The following DOCK2 variants were observed in gnomAD, a reference collection of about 807,000 sequenced individuals.
DOCK2 encodes dedicator of cytokinesis 2.
A neutral mutation model predicts 248.9 loss-of-function variants in DOCK2; 87 were observed. That is an observed-to-expected ratio of 0.35 (90% confidence interval 0.29 to 0.42). DOCK2 has a LOEUF of 0.42. DOCK2 is among the 10% of genes least tolerant of loss of function. The probability of loss-of-function intolerance (pLI) is 1.00; values close to 1 mark genes in which losing one functional copy is unlikely to be tolerated. For synonymous variants in DOCK2, 805 were observed against 821.6 expected, an observed-to-expected ratio of 0.98 and a Z score of 0.35; for missense variants, 1,747 against 2,300.2, an observed-to-expected ratio of 0.76 and a Z score of 4.92.
chr5:169,782,587 G>C (rs371400526), intron 25 of DOCK2, among the ~76,000 whole-genome samples: 14 of 151,654 alleles, frequency 9.2e-5, no homozygotes, highest in East Asian at 7.7e-4. Context: ...CAGGTCTCCA[G>C]GTCCTTCTTT....
At chr5:169,759,888 G>A in intron 24 of DOCK2, 113 bp downstream of exon 24, 1 of 1,142,504 alleles carries the variant, frequency 8.8e-7, no homozygotes, top group Non-Finnish European at 1.3e-6. Context: ...GGATGGGGAA[G>A]ACCTGTGGCA....
intron 26 of DOCK2, among the ~76,000 whole-genome samples, chr5:169,837,619 T>C (rs958601453): frequency 8.5e-5 from 13 of 152,162 alleles, no homozygotes; most frequent in African/African-American, 3.1e-4. Context: ...TTACCTGCAT[T>C]ACCTTGTTTA....
chr5:169,651,031 T>C (rs1757778601), intron 1 of DOCK2, among the ~76,000 whole-genome samples: 1 of 152,210 alleles, frequency 6.6e-6, no homozygotes, highest in African/African-American at 2.4e-5. Context: ...TTCTGCCTTT[T>C]TCATCCCTTG....
At chr5:169,653,594 T>C (rs1255236310) in intron 1 of DOCK2, among the ~76,000 whole-genome samples, 1 of 152,112 alleles carries the variant, frequency 6.6e-6, no homozygotes, top group African/African-American at 2.4e-5. Flanking sequence ...GTCCCAATGG[T>C]GCTGTGCTGG....
chr5:169,783,335 T>C (rs969267072), intron 25 of DOCK2, among the ~76,000 whole-genome samples: 2 of 152,162 alleles, frequency 1.3e-5, no homozygotes, highest in African/African-American at 4.8e-5. Flanking sequence ...AGTCTAGAGT[T>C]CCAGAGAGCC....
At chr5:169,992,023 G>A (rs1048149618) in intron 29 of DOCK2, among the ~76,000 whole-genome samples, 2 of 152,176 alleles carry the variant, frequency 1.3e-5, no homozygotes, top group Admixed American at 1.3e-4. Context: ...GGCTTGGATT[G>A]AACAGAACTA....
intron 27 of DOCK2, among the ~76,000 whole-genome samples, chr5:169,902,582 T>G (rs1460475461): frequency 2.0e-5 from 3 of 152,190 alleles, no homozygotes; most frequent in African/African-American, 7.2e-5. Context: ...GTCAGCTGTT[T>G]TGTAGACTGC....
intron 32 of DOCK2, 74 bp from the exon 33 acceptor site, chr5:170,018,886 C>G: frequency 6.5e-7 from 1 of 1,540,506 alleles, no homozygotes; most frequent in Non-Finnish European, 8.8e-7. Context: ...TTTTTTCTTT[C>G]CCCAGGCTTG....
intron 27 of DOCK2, among the ~76,000 whole-genome samples, chr5:169,916,756 A>G (rs1045330401): frequency 2.0e-5 from 3 of 152,192 alleles, no homozygotes; most frequent in Non-Finnish European, 4.4e-5. Context: ...AGAATTTGGC[A>G]TATATAAGTC....
chr5:169,885,491 T>C (rs182735363), intron 27 of DOCK2, among the ~76,000 whole-genome samples: 166 of 152,338 alleles, frequency 1.1e-3, no homozygotes, highest in African/African-American at 3.8e-3. Flanking sequence ...CTGCAACATT[T>C]ATTTAAGGAC....
rs553007359 is a variant in DOCK2, at chr5:169,940,958, A to G, written c.2800-42110A>G. Reference sequence around the variant, plus strand: ...TGTCTAATAGAATGCCGATAGTGCCATGGCTGAGAGACCCTGTTCCATACT... The same window carrying G: ...TGTCTAATAGAATGCCGATAGTGCCGTGGCTGAGAGACCCTGTTCCATACT... On this transcript the variant is annotated intron_variant, in intron 27 of 51. Transcript: ENST00000520908. Among the ~76,000 whole-genome samples the G allele has an allele frequency of 6.8e-4, 104 of 152,324 alleles. 1 individual carries two copies. Among genetic ancestry groups the G allele is most frequent in the African/African-American group, 2.1e-3 (87 of 41,578 alleles).
At chr5:169,818,343 C>T (rs1768200103) in intron 26 of DOCK2, among the ~76,000 whole-genome samples, 1 of 152,188 alleles carries the variant, frequency 6.6e-6, no homozygotes, top group African/African-American at 2.4e-5. Context: ...GCACAGTGCC[C>T]AGCACATTTA....
At chr5:169,693,103 A>G (rs1760403208) in intron 9 of DOCK2, among the ~76,000 whole-genome samples, 1 of 152,074 alleles carries the variant, frequency 6.6e-6, no homozygotes, top group African/African-American at 2.4e-5. Context: ...GCACCAATCT[A>G]AGTATTTCAA....
At chr5:169,742,353 G>A (rs1452526641) in intron 22 of DOCK2, among the ~76,000 whole-genome samples, 1 of 152,114 alleles carries the variant, frequency 6.6e-6, no homozygotes, top group Non-Finnish European at 1.5e-5. Flanking sequence ...AACCTTATGG[G>A]GCTAATACAA....
At position 169,674,323 on chromosome 5, in the gene DOCK2, G is replaced by A; in HGVS notation, c.348G>A (p.Gln116=). ...YVASKKERFL[Q]VQSMMYDLME... is the part of the protein sequence containing the mutation. ...CCAGCAAAAAGGAGCGTTTTCTCCAGGTGCAGTCCATGATGTACGATCTGA... is the reference window on the plus strand; with the variant it reads ...CCAGCAAAAAGGAGCGTTTTCTCCAAGTGCAGTCCATGATGTACGATCTGA... The change falls in exon 6 of 52, where the codon CAG becomes CAA. Residue 116 remains glutamine, a synonymous_variant. Coordinates refer to ENST00000520908, the MANE Select transcript of DOCK2 (RefSeq NM_004946.3). 6.2e-7 allele frequency: 1 copy of A among 1,614,096 alleles called. No homozygotes were observed. The highest frequency in any genetic ancestry group is 2.2e-5 in the East Asian group (1 of 44,868).
chr5:169,760,262 A>G (rs1764411821), intron 24 of DOCK2, among the ~76,000 whole-genome samples: 1 of 145,700 alleles, frequency 6.9e-6, no homozygotes, highest in East Asian at 2.2e-4. Flanking sequence ...TTTCAATCAG[A>G]TATACCTTCT....
chr5:169,900,140 G>C (rs931312485), intron 27 of DOCK2, among the ~76,000 whole-genome samples: 1 of 152,176 alleles, frequency 6.6e-6, no homozygotes, highest in African/African-American at 2.4e-5. Context: ...ACACCTCCAA[G>C]CTCTCAGATC....
Position 169,702,391 on chromosome 5 carries a change from C to T in DOCK2, c.1347C>T (p.Ile449=). 2 of 1,613,972 alleles carry T rather than the reference C, an allele frequency of 1.2e-6. No individual in the cohort carries two copies. Among genetic ancestry groups the T allele is most frequent in the South Asian group, 2.2e-5 (2 of 91,076 alleles). Residue 449 remains isoleucine (I), a synonymous_variant, in exon 14 of 52, where the codon ATC becomes ATT. Transcript: ENST00000520908. ...NKTTQRNVEV[I]MCVCAEDGKT... ...CCACACAGAGGAATGTGGAAGTCATCATGTGTGTGTGCGCGGAGGATGGCA... is the reference window on the plus strand; with the variant it reads ...CCACACAGAGGAATGTGGAAGTCATTATGTGTGTGTGCGCGGAGGATGGCA...
At chr5:169,934,661 G>C (rs1775904536) in intron 27 of DOCK2, 2 of 456,164 alleles carry the variant, frequency 4.4e-6, no homozygotes, top group Non-Finnish European at 8.8e-6. Context: ...GGATGCAGCT[G>C]ATGATAGGAC....
Sources: gnomAD v4.1 joint callset for allele counts (sites outside exome capture counted in the v4.1 genomes callset) on GRCh38, gnomAD v4.1.1 for gene constraint, MANE v1.5 for transcripts, NCBI Gene and HGNC (gene_info 2026-07-23, HGNC 2026-07-21) for gene names.